TNRC6C: variants seen among roughly 807,000 people sequenced by gnomAD.
TNRC6C encodes trinucleotide repeat containing adaptor 6C.
A neutral mutation model predicts 153.7 loss-of-function variants in TNRC6C; 20 were observed. The observed-to-expected ratio is 0.13, with a 90% CI of 0.09 to 0.19. The LOEUF is 0.19. Ranked by LOEUF, TNRC6C falls within the 10% of genes least tolerant of loss-of-function variation. The pLI is 1.00. For missense variants in TNRC6C, 1,987 were observed against 2,172.0 expected, an observed-to-expected ratio of 0.91 and a Z score of 1.69; for synonymous variants, 811 against 841.4, an observed-to-expected ratio of 0.96 and a Z score of 0.63.
chr17:78,033,988 C>T (rs910302216), intron 2 of TNRC6C, among the ~76,000 whole-genome samples: 2 of 152,208 alleles, frequency 1.3e-5, no homozygotes, highest in African/African-American at 4.8e-5. Flanking sequence ...GTTTTTCTCT[C>T]TGGCTGTGAA....
At chr17:78,080,580 T>G (rs552680138) in intron 10 of TNRC6C, among the ~76,000 whole-genome samples, 42 of 152,372 alleles carry the variant, frequency 2.8e-4, no homozygotes, top group African/African-American at 9.9e-4. Flanking sequence ...TTTTACAATT[T>G]TAGGCTTTGG....
chr17:78,049,348 A>G lies in TNRC6C; in HGVS notation c.286A>G (p.Ile96Val). 1 of 1,614,034 alleles carries G rather than the reference A, an allele frequency of 6.2e-7. No individual in the cohort carries two copies. Residue 96 changes from isoleucine to valine, a missense_variant, in exon 3 of 20, where the codon ATT becomes GTT. Ile to Val is a conservative substitution (Grantham distance 29). Around this residue, in one of 4 missense-constraint regions of TNRC6C, gnomAD observed 1,052 missense variants for 1,017.0 expected, o/e 1.03. Transcript: ENST00000301624. This position sits in a 1 kb window ranked among gnomAD's most constrained non-coding sequence, Gnocchi z 4.1. ...GGGTGCTTCCAACTCCAATGCTGGC[A>G]TTAATCTTAACCTTAATCCTAATGC...
intron 1 of TNRC6C, chr17:78,008,729 C>G (rs1004163799): frequency 2.6e-5 from 4 of 152,038 alleles, no homozygotes; most frequent in African/African-American, 9.7e-5. Flanking sequence ...TTTTTCCCTC[C>G]TGTGATGAAA....
intron 1 of TNRC6C, among the ~76,000 whole-genome samples, chr17:77,978,250 A>G (rs938486591): frequency 2.0e-5 from 3 of 152,182 alleles, no homozygotes; most frequent in Non-Finnish European, 4.4e-5. Context: ...TATTAAAACA[A>G]TAGAATAGTA....
At position 78,053,899 on chromosome 17, in the gene TNRC6C, G is replaced by A. The variant is rs1161259427; in HGVS notation, c.2395+2442G>A. On this transcript the variant is annotated intron_variant, in intron 3 of 19. Transcript: ENST00000301624. ...AACAAACAAAAAAGCTCCAGGAACA[G>A]AATTAATACAGTCATGCATAGCTTA... Among the ~76,000 whole-genome samples, 3 of 152,208 alleles carry A rather than the reference G, an allele frequency of 2.0e-5. No individual in the cohort carries two copies. In the East Asian group the frequency reaches 5.8e-4, roughly 29 times the overall value.
intron 3 of TNRC6C, among the ~76,000 whole-genome samples, chr17:78,058,358 G>A (rs1264671297): frequency 6.6e-6 from 1 of 152,122 alleles, no homozygotes; most frequent in African/African-American, 2.4e-5. Flanking sequence ...AATATTCTGG[G>A]ACACTTAAAA....
At chr17:78,037,239 G>C (rs926569618) in intron 2 of TNRC6C, among the ~76,000 whole-genome samples, 2 of 152,220 alleles carry the variant, frequency 1.3e-5, no homozygotes, top group Non-Finnish European at 2.9e-5. Context: ...GGCTTGCACA[G>C]CTCTGAGAAG....
intron 1 of TNRC6C, among the ~76,000 whole-genome samples, chr17:78,028,107 T>A (rs570754050): frequency 1.3e-5 from 2 of 152,144 alleles, no homozygotes; most frequent in South Asian, 4.2e-4. Context: ...ACCGTGTTAG[T>A]CAGGATGGTC....
rs770196974 is a variant in TNRC6C at position 78,091,393 on chromosome 17, A to C, written c.3803-47A>C. On this transcript the variant is annotated intron_variant, in intron 13 of 19. Transcript: ENST00000301624. ...CTTCTATAGGAGAGCTTTAGAATGA[A>C]GTCATTTAGAGGAGCAGGCGAATCC... The C allele has an allele frequency of 4.0e-6, 6 of 1,490,658 alleles. 1 individual carries two copies. The highest frequency in any genetic ancestry group is 4.0e-5 in the South Asian group (3 of 74,624). The allele number at this position is 1,490,658 out of a possible 1,614,324, so 92.3% of individuals were successfully genotyped here.
chr17:78,003,917 T>A (rs186434375), upstream of TNRC6C, among the ~76,000 whole-genome samples: 1 of 152,190 alleles, frequency 6.6e-6, no homozygotes, highest in Non-Finnish European at 1.5e-5. Flanking sequence ...ATCATACCCT[T>A]ATCCCCAGCA....
chr17:77,984,702 G>A (rs140322557), intron 1 of TNRC6C, among the ~76,000 whole-genome samples: 1 of 152,156 alleles, frequency 6.6e-6, no homozygotes, highest in East Asian at 1.9e-4. Flanking sequence ...CCCTCCTGTG[G>A]ACCACCTCTT....
chr17:77,988,556 A>T (rs2071205706), intron 1 of TNRC6C, among the ~76,000 whole-genome samples: 1 of 152,064 alleles, frequency 6.6e-6, no homozygotes, highest in Non-Finnish European at 1.5e-5. Flanking sequence ...CTCTTCTTTT[A>T]TCTGAGCATA....
At chr17:78,092,536 A>G (rs2073411720) in intron 14 of TNRC6C, among the ~76,000 whole-genome samples, 2 of 152,148 alleles carry the variant, frequency 1.3e-5, no homozygotes, top group South Asian at 4.1e-4. Flanking sequence ...GACAAACTGA[A>G]ATTGTTCTTC....
intron 1 of TNRC6C, among the ~76,000 whole-genome samples, chr17:77,975,106 A>G (rs564468329): frequency 4.6e-5 from 7 of 152,330 alleles, no homozygotes; most frequent in African/African-American, 1.4e-4. Flanking sequence ...TTTAAGTCTC[A>G]TGTATGGGGG....
chr17:77,958,409 C>T (rs746769736), upstream of TNRC6C, among the ~76,000 whole-genome samples: 14 of 152,022 alleles, frequency 9.2e-5, no homozygotes, highest in East Asian at 1.2e-3. Flanking sequence ...TCGGAGCGCG[C>T]ACCGCTCGCA....
At chr17:78,015,677 C>T (rs1182227158) in intron 1 of TNRC6C, among the ~76,000 whole-genome samples, 1 of 152,152 alleles carries the variant, frequency 6.6e-6, no homozygotes, top group Non-Finnish European at 1.5e-5. Flanking sequence ...TTTGGGAGGC[C>T]GAGGTGGGCG....
At chr17:78,004,516 G>A (rs984686131), upstream of TNRC6C, among the ~76,000 whole-genome samples, 1 of 152,216 alleles carries the variant, frequency 6.6e-6, no homozygotes, top group Non-Finnish European at 1.5e-5. Context: ...TGGTGGTGAA[G>A]TGTGTCCATG....
At chr17:77,992,928 C>T (rs1450555067) in intron 1 of TNRC6C, among the ~76,000 whole-genome samples, 2 of 152,028 alleles carry the variant, frequency 1.3e-5, no homozygotes, top group Non-Finnish European at 2.9e-5. Context: ...GATGTGGTTC[C>T]ATTAAAGTCT....
intron 15 of TNRC6C, 23 bp from the exon 18 acceptor site, chr17:78,093,597 T>A: frequency 6.2e-7 from 1 of 1,613,352 alleles, no homozygotes; most frequent in Non-Finnish European, 8.5e-7. Flanking sequence ...ATCTGTGGCT[T>A]CTCATTTTGG....
Sources: gnomAD v4.1 joint callset for allele counts (sites outside exome capture counted in the v4.1 genomes callset) on GRCh38, gnomAD v4.1.1 for gene constraint, gnomAD v4.1.1 regional missense constraint, Gnocchi (gnomAD v3.1) non-coding constraint, MANE v1.5 for transcripts, NCBI Gene and HGNC (gene_info 2026-07-23, HGNC 2026-07-21) for gene names.